Variants in NKAIN3 observed in about 807,000 individuals in gnomAD.
The protein encoded by NKAIN3 is sodium/potassium-transporting ATPase subunit beta-1-interacting protein 3.
NKAIN3 carries 25 observed loss-of-function variants against 30.2 expected under a neutral mutation model. That is an observed-to-expected ratio of 0.83 (90% CI 0.60 to 1.16). NKAIN3 has a LOEUF of 1.16. Among genes scored for constraint, NKAIN3 ranks in the 50% most tolerant of loss-of-function variants. NKAIN3 has a pLI of 0.00. For synonymous variants in NKAIN3, 91 were observed against 89.6 expected, an observed-to-expected ratio of 1.02 and a Z score of -0.09; for missense variants, 225 against 254.1, an observed-to-expected ratio of 0.89 and a Z score of 0.78.
At chr8:62,266,114 C>T (rs542582143) in intron 1 of NKAIN3, among the ~76,000 whole-genome samples, 152 of 152,256 alleles carry the variant, frequency 1.0e-3, no homozygotes, top group African/African-American at 3.5e-3. Context: ...CTCTTGGACT[C>T]CTCAGAGGGG....
At chr8:62,594,597 T>G (rs1810764539) in intron 3 of NKAIN3, among the ~76,000 whole-genome samples, 1 of 152,234 alleles carries the variant, frequency 6.6e-6, no homozygotes, top group African/African-American at 2.4e-5. Flanking sequence ...CTCTCTGTCC[T>G]GCAGATGAGA....
chr8:62,926,728 C>T (rs939198866), intron 5 of NKAIN3, among the ~76,000 whole-genome samples: 2 of 152,096 alleles, frequency 1.3e-5, no homozygotes, highest in Non-Finnish European at 2.9e-5. Context: ...GAGACTCTGT[C>T]ACACAAAAAA....
chr8:62,344,733 T>A lies in NKAIN3; in HGVS notation c.54+95606T>A, dbSNP rs1815873554. ...AGTTGCCTATGGATATTGACTGCTG[T>A]CAGTACTCCAGTTTGCTACACACTA... On this transcript the variant is annotated intron_variant, in intron 1 of 6. Transcript: ENST00000623646. The A allele has an allele frequency of 1.1e-5, 3 of 282,204 alleles. No homozygotes were observed. The South Asian group carries it at 1.1e-4, about 10-fold the overall frequency. The allele number at this position is 282,204 out of a possible 1,614,324, so 17.5% of individuals were successfully genotyped here.
At chr8:62,294,643 A>G (rs575581647) in intron 1 of NKAIN3, among the ~76,000 whole-genome samples, 3 of 151,980 alleles carry the variant, frequency 2.0e-5, no homozygotes, top group Non-Finnish European at 4.4e-5. Flanking sequence ...CAACCTCCCA[A>G]TTTCAGCTAT....
chr8:62,736,820 C>T (rs528252136), intron 3 of NKAIN3, among the ~76,000 whole-genome samples: 64 of 152,294 alleles, frequency 4.2e-4, no homozygotes, highest in Non-Finnish European at 7.6e-4. Context: ...GACACAGGAC[C>T]CCAGTGAGAC....
chr8:62,881,036 A>T (rs868492527), intron 4 of NKAIN3, among the ~76,000 whole-genome samples: 1 of 152,210 alleles, frequency 6.6e-6, no homozygotes, highest in Admixed American at 6.5e-5. Context: ...GTTCTAAAAA[A>T]ATAAAATGTT....
At chr8:62,286,879 A>G (rs938484669) in intron 1 of NKAIN3, among the ~76,000 whole-genome samples, 1 of 151,886 alleles carries the variant, frequency 6.6e-6, no homozygotes, top group African/African-American at 2.4e-5. Context: ...ACTTGGAAGT[A>G]TGTTTGTCTT....
chr8:62,345,492 C>CACATATAT (rs1563942731), intron 1 of NKAIN3, among the ~76,000 whole-genome samples: 8 of 7,742 alleles, frequency 1.0e-3, no homozygotes, highest in South Asian at 6.2e-3. Flanking sequence ...TGTATATATA[C>CACATATAT]ACACATATAT....
chr8:62,480,471 G>C (rs1806680318), intron 1 of NKAIN3, among the ~76,000 whole-genome samples: 1 of 150,930 alleles, frequency 6.6e-6, no homozygotes, highest in African/African-American at 2.4e-5. Flanking sequence ...TCAGGATAAG[G>C]TCAGGGGGAA....
At chr8:62,344,856 A>G (rs1815879082) in intron 1 of NKAIN3, 1 of 438,756 alleles carries the variant, frequency 2.3e-6, no homozygotes, top group Non-Finnish European at 4.6e-6. Context: ...TGTCATGGGT[A>G]TTTTGATAGG....
intron 1 of NKAIN3, among the ~76,000 whole-genome samples, chr8:62,498,975 G>A (rs551629357): frequency 5.9e-5 from 9 of 152,170 alleles, no homozygotes; most frequent in African/African-American, 1.4e-4. Context: ...TGACTCAAAG[G>A]TCACCTTCTG....
intron 4 of NKAIN3, among the ~76,000 whole-genome samples, chr8:62,875,193 A>C (rs1820758703): frequency 6.6e-6 from 1 of 152,204 alleles, no homozygotes; most frequent in Non-Finnish European, 1.5e-5. Context: ...AGGCAAGCAG[A>C]GAGCCAAATC....
At chr8:62,457,347 A>C (rs1266144353) in intron 1 of NKAIN3, among the ~76,000 whole-genome samples, 1 of 152,198 alleles carries the variant, frequency 6.6e-6, no homozygotes, top group East Asian at 1.9e-4. Flanking sequence ...AATAAATTAG[A>C]GTGTTCACAC....
intron 3 of NKAIN3, among the ~76,000 whole-genome samples, chr8:62,618,762 C>T (rs1485763559): frequency 3.3e-5 from 5 of 151,902 alleles, no homozygotes; most frequent in Non-Finnish European, 5.9e-5. Flanking sequence ...AAAAATTAGC[C>T]GGGCATGGTG....
At chr8:62,894,781 T>A (rs1821385033) in intron 4 of NKAIN3, among the ~76,000 whole-genome samples, 1 of 152,156 alleles carries the variant, frequency 6.6e-6, no homozygotes, top group African/African-American at 2.4e-5. Context: ...AGCTAGTAAA[T>A]ATCAGAGACT....
intron 2 of NKAIN3, among the ~76,000 whole-genome samples, chr8:62,579,912 A>G (rs1398747870): frequency 6.6e-6 from 1 of 152,166 alleles, no homozygotes; most frequent in Non-Finnish European, 1.5e-5. Flanking sequence ...TGTCACTCAC[A>G]ACGTAACTGA....
At chr8:62,439,259 G>A (rs986968375) in intron 1 of NKAIN3, among the ~76,000 whole-genome samples, 9 of 152,172 alleles carry the variant, frequency 5.9e-5, no homozygotes, top group Admixed American at 2.6e-4. Context: ...TAAGGAATCT[G>A]TCCACAACTA....
chr8:62,650,305 C>T (rs3887076), intron 3 of NKAIN3, among the ~76,000 whole-genome samples: 2 of 152,214 alleles, frequency 1.3e-5, no homozygotes, highest in African/African-American at 2.4e-5. Context: ...ACTTCTGCCT[C>T]GCAATAGAGT....
intron 1 of NKAIN3, among the ~76,000 whole-genome samples, chr8:62,564,379 C>T (rs988372160): frequency 6.6e-6 from 1 of 152,124 alleles, no homozygotes. Context: ...ACTCTCATTA[C>T]AGAGCAAGAT....
Sources: allele counts gnomAD v4.1 joint callset (sites outside exome capture counted in the v4.1 genomes callset), GRCh38; gene constraint gnomAD v4.1.1; transcripts MANE v1.5; gene names NCBI Gene and HGNC (gene_info 2026-07-23, HGNC 2026-07-21).